The following ZPBP variants were observed in gnomAD, a reference collection of about 807,000 sequenced individuals.
ZPBP encodes the protein zona pellucida binding protein, also known as zona pellucida-binding protein 1.
In ZPBP, 26 loss-of-function variants were observed where a neutral mutation model predicts 44.8. That is an observed-to-expected ratio of 0.58 (90% CI 0.43 to 0.81). The LOEUF (loss-of-function observed/expected upper bound fraction) is 0.81. Ranked by LOEUF, ZPBP falls within the 30% of genes least tolerant of loss-of-function variation. The pLI is 0.00. For synonymous variants in ZPBP, 174 were observed against 153.2 expected, an observed-to-expected ratio of 1.14 and a Z score of -1.00; for missense variants, 409 against 434.0, an observed-to-expected ratio of 0.94 and a Z score of 0.51.
At chr7:49,932,126 T>C (rs1031225151) in intron 1 of ZPBP, among the ~76,000 whole-genome samples, 15 of 152,240 alleles carry the variant, frequency 9.9e-5, no homozygotes, top group Admixed American at 1.3e-4. Flanking sequence ...GGAGAACCTC[T>C]GCTAAGGCAG....
intron 5 of ZPBP, among the ~76,000 whole-genome samples, chr7:50,027,175 C>G (rs1309762754): frequency 6.6e-6 from 1 of 151,900 alleles, no homozygotes; most frequent in Non-Finnish European, 1.5e-5. Flanking sequence ...TGCCTTCAGT[C>G]CACACCAGAG....
intron 7 of ZPBP, among the ~76,000 whole-genome samples, chr7:49,965,303 A>G (rs1796015896): frequency 6.6e-6 from 1 of 152,130 alleles, no homozygotes; most frequent in African/African-American, 2.4e-5. Context: ...TAAAGGTGAA[A>G]GCAGATATCT....
intron 2 of ZPBP, among the ~76,000 whole-genome samples, chr7:49,868,530 G>A (rs1791006115): frequency 6.6e-6 from 1 of 152,160 alleles, no homozygotes; most frequent in South Asian, 2.1e-4. Flanking sequence ...GTTCCCATAT[G>A]TGGATTTTCA....
At chr7:50,038,886 C>T (rs1245173933) in intron 4 of ZPBP, among the ~76,000 whole-genome samples, 4 of 152,118 alleles carry the variant, frequency 2.6e-5, no homozygotes, top group African/African-American at 7.2e-5. Context: ...ACGTAGCCTA[C>T]GTGTGCAGTA....
intron 2 of ZPBP, among the ~76,000 whole-genome samples, chr7:49,857,736 T>C (rs1790482702): frequency 1.3e-5 from 2 of 152,156 alleles, no homozygotes; most frequent in South Asian, 2.1e-4. Context: ...AAAAACAGTA[T>C]GGAGATTTCT....
chr7:50,032,044 C>T (rs1297240854), intron 4 of ZPBP, among the ~76,000 whole-genome samples: 3 of 152,186 alleles, frequency 2.0e-5, no homozygotes, highest in Non-Finnish European at 4.4e-5. Context: ...CCTGCACACA[C>T]TGAAGTGCAC....
chr7:50,056,000 T>G (rs1800920112), intron 4 of ZPBP, among the ~76,000 whole-genome samples: 1 of 152,230 alleles, frequency 6.6e-6, no homozygotes, highest in Non-Finnish European at 1.5e-5. Context: ...TACCAAAACA[T>G]TATGTTTCTC....
intron 6 of ZPBP, among the ~76,000 whole-genome samples, chr7:50,010,432 A>G (rs1004786161): frequency 6.6e-6 from 1 of 152,162 alleles, no homozygotes; most frequent in Non-Finnish European, 1.5e-5. Flanking sequence ...AAAAAAAAGT[A>G]AAATAATCTT....
chr7:49,947,617 A>G (rs1583893936), intron 7 of ZPBP, among the ~76,000 whole-genome samples: 3 of 152,206 alleles, frequency 2.0e-5, no homozygotes, highest in African/African-American at 7.2e-5. Context: ...TGAATCAGGC[A>G]CCCTGTGGCA....
At chr7:49,919,526 T>C (rs893934290) in intron 1 of ZPBP, 2 of 152,180 alleles carry the variant, frequency 1.3e-5, no homozygotes, top group Non-Finnish European at 2.9e-5. Flanking sequence ...AGTTATACTC[T>C]GCAGTATACC....
chr7:50,043,211 A>C (rs1800180844), intron 4 of ZPBP, among the ~76,000 whole-genome samples: 1 of 152,176 alleles, frequency 6.6e-6, no homozygotes, highest in South Asian at 2.1e-4. Flanking sequence ...TTTAATCTAT[A>C]ATCTATAGAA....
intron 3 of ZPBP, among the ~76,000 whole-genome samples, chr7:50,075,639 A>G (rs1369461174): frequency 6.6e-6 from 1 of 152,038 alleles, no homozygotes; most frequent in African/African-American, 2.4e-5. Context: ...ATGCCAATAC[A>G]TTGGAAAATC....
chr7:49,949,780 A>G (rs1795258945), intron 7 of ZPBP, among the ~76,000 whole-genome samples: 1 of 151,990 alleles, frequency 6.6e-6, no homozygotes, highest in Non-Finnish European at 1.5e-5. Context: ...AATACACTTA[A>G]AATGTTAAAT....
At chr7:49,943,490 A>G in intron 7 of ZPBP, 1 of 447,036 alleles carries the variant, frequency 2.2e-6, no homozygotes, top group Non-Finnish European at 4.4e-6. Flanking sequence ...TAGCCAATGA[A>G]CCCAACACTC....
intron 1 of ZPBP, among the ~76,000 whole-genome samples, chr7:49,902,051 T>C (rs1180302741): frequency 2.0e-5 from 3 of 151,886 alleles, no homozygotes; most frequent in Admixed American, 6.6e-5. Flanking sequence ...ATAGATTATA[T>C]ACCTACATGT....
chr7:50,089,793 T>A (rs1802858931), intron 1 of ZPBP, 84 bp from the exon 2 acceptor site: 1 of 1,080,080 alleles, frequency 9.3e-7, no homozygotes, highest in Non-Finnish European at 1.4e-6. Context: ...TTGGTATTGG[T>A]TGAAGGGGAG....
chr7:50,021,089 A>C (rs1343391616), intron 5 of ZPBP, among the ~76,000 whole-genome samples: 2 of 152,082 alleles, frequency 1.3e-5, no homozygotes, highest in African/African-American at 4.8e-5. Context: ...AATATTTTAA[A>C]ATGCAAAGTT....
intron 4 of ZPBP, among the ~76,000 whole-genome samples, chr7:50,040,579 C>G (rs1800030003): frequency 6.6e-6 from 1 of 152,104 alleles, no homozygotes; most frequent in Non-Finnish European, 1.5e-5. Context: ...ACTCCCTCCC[C>G]AAGCCAAGGG....
At chr7:49,915,767 A>G (rs1008009089) in intron 1 of ZPBP, 3 of 152,180 alleles carry the variant, frequency 2.0e-5, no homozygotes, top group Non-Finnish European at 4.4e-5. Context: ...GATCAATCCT[A>G]CTTTTCATTG....
Sources: gnomAD v4.1 joint callset for allele counts (sites outside exome capture counted in the v4.1 genomes callset) on GRCh38, gnomAD v4.1.1 for gene constraint, MANE v1.5 for transcripts, NCBI Gene and HGNC (gene_info 2026-07-23, HGNC 2026-07-21) for gene names.